The following VCAM1 variants were observed in gnomAD, a reference collection of about 807,000 sequenced individuals.
The protein encoded by VCAM1 is vascular cell adhesion molecule 1, also known as vascular cell adhesion protein 1.
Under a neutral mutation model 63.8 loss-of-function variants are expected in VCAM1, and 41 were observed. The observed-to-expected ratio is 0.64, with a 90% CI of 0.50 to 0.83. The LOEUF is 0.83. VCAM1 is among the 40% of genes least tolerant of loss of function. The pLI, the probability that VCAM1 is intolerant of heterozygous loss-of-function variation, is 0.00. For missense variants in VCAM1, 798 were observed against 875.5 expected (o/e 0.91, Z 1.12); for synonymous variants, 338 against 320.7 (o/e 1.05, Z -0.58).
In VCAM1 at chr1:100,734,671, C is replaced by T; in HGVS notation, c.1962C>T (p.Thr654=). 6.2e-7 allele frequency: 1 copy of T among 1,613,968 alleles called. No individual in the cohort carries two copies. Among genetic ancestry groups the T allele is most frequent in the South Asian group, 1.1e-5 (1 of 91,076 alleles). ...TVLKSIDGAY[T]IRKAQLKDAG... ...TAAAATCTATAGATGGCGCCTATACCATCCGAAAGGCCCAGTTGAAGGATG... is the reference window on the plus strand; with the variant it reads ...TAAAATCTATAGATGGCGCCTATACTATCCGAAAGGCCCAGTTGAAGGATG... The change falls in exon 8 of 9, where the codon ACC becomes ACT. Residue 654 remains threonine, a synonymous_variant. Transcript: ENST00000294728.
chr1:100,728,147 C>T (rs552685749), intron 4 of VCAM1, among the ~76,000 whole-genome samples: 11 of 152,166 alleles, frequency 7.2e-5, no homozygotes, highest in African/African-American at 2.6e-4. Flanking sequence ...TGCACCCAGC[C>T]GGGATAGCGC....
Position 100,724,765 on chromosome 1 carries a change from A to G in VCAM1, c.803A>G (p.Gln268Arg). Reference protein sequence around the residue: ...WSKKLDNGNLQHLSGNATLTL... With the variant: ...WSKKLDNGNLRHLSGNATLTL... ...AAGAAATTAGATAATGGGAATCTAC[A>G]GCACCTTTCTGGAAATGCAACTCTC... The change falls in exon 4 of 9, where the codon CAG becomes CGG. Residue 268 changes from glutamine to arginine, a missense_variant. Transcript: ENST00000294728. 6.2e-7 allele frequency: 1 copy of G among 1,613,114 alleles called. No individual in the cohort carries two copies. The highest frequency in any genetic ancestry group is 8.5e-7 in the Non-Finnish European group (1 of 1,179,462).
chr1:100,734,889 A>G, intron 8 of VCAM1, 121 bp downstream of exon 8: 5 of 1,273,174 alleles, frequency 3.9e-6, no homozygotes, highest in Non-Finnish European at 5.3e-6. Context: ...TTTCTTAAGG[A>G]TTCTTGGAAA....
chr1:100,723,410 A>G, intron 3 of VCAM1, 70 bp downstream of exon 3: 1 of 1,458,612 alleles, frequency 6.9e-7, no homozygotes, highest in South Asian at 1.4e-5. Flanking sequence ...CAATAAACTT[A>G]GCAGAAAAGT....
chr1:100,723,393 T>G, intron 3 of VCAM1, 53 bp downstream of exon 3: 1 of 1,551,496 alleles, frequency 6.4e-7, no homozygotes, highest in Non-Finnish European at 8.7e-7. Flanking sequence ...ACCTTGGTTG[T>G]GTATAGCAAT....
rs1295437636 is a variant in VCAM1 at position 100,719,842 on chromosome 1, A to G, written c.-19A>G. The G allele has an allele frequency of 6.2e-7, 1 of 1,609,750 alleles. No homozygotes were observed. Among genetic ancestry groups the G allele is most frequent in the East Asian group, 2.2e-5 (1 of 44,788 alleles). On this transcript the variant is annotated 5_prime_UTR_variant, in exon 1 of 9. Coordinates refer to ENST00000294728, the MANE Select transcript of VCAM1 (RefSeq NM_001078.4). ...AGGGTTTTGGAACCACTATTTTCTC[A>G]TCACGACAGCAACTTAAAATGCCTG... is the stretch of plus-strand genomic sequence containing the variant.
intron 2 of VCAM1, 45 bp from the exon 3 acceptor site, chr1:100,722,975 C>T: frequency 1.3e-6 from 2 of 1,557,124 alleles, no homozygotes; most frequent in East Asian, 2.3e-5. Context: ...GACCTTATAT[C>T]ACATTAGCAA....
At position 100,731,118 on chromosome 1, in the gene VCAM1, G is replaced by A. The variant is rs1660436977; in HGVS notation, c.1205-80G>A. ...AGGTGACTTAAAGCTGTCATTTTTAGGCCTTTACATTTAATAAAGCTTAGC... is the reference window on the plus strand; with the variant it reads ...AGGTGACTTAAAGCTGTCATTTTTAAGCCTTTACATTTAATAAAGCTTAGC... On this transcript the variant is annotated intron_variant, in intron 5 of 8. Coordinates refer to ENST00000294728, the MANE Select transcript of VCAM1 (RefSeq NM_001078.4). The surrounding 1 kb of genome is among the most constrained non-coding windows in gnomAD (Gnocchi z 4.2). 1 of 1,395,902 alleles carries A rather than the reference G, an allele frequency of 7.2e-7. No individual in the cohort carries two copies. Among genetic ancestry groups the A allele is most frequent in the South Asian group, 1.5e-5 (1 of 67,060 alleles). 86.5% of individuals were successfully genotyped at this position (1,395,902 alleles called of 1,614,324 possible). A position where few individuals can be genotyped will look rare whatever the true frequency, so the allele number is the denominator to read the frequency against.
rs1660479574 is a variant in VCAM1, at chr1:100,731,996, A to G, written c.1526-422A>G. 6.6e-6 allele frequency among the ~76,000 whole-genome samples: 1 copy of G among 152,220 alleles called. No homozygotes were observed. Among genetic ancestry groups the G allele is most frequent in the South Asian group, 2.1e-4 (1 of 4,836 alleles). On this transcript the variant is annotated intron_variant, in intron 6 of 8. Coordinates refer to ENST00000294728, the MANE Select transcript of VCAM1 (RefSeq NM_001078.4). The surrounding 1 kb of genome is among the most constrained non-coding windows in gnomAD (Gnocchi z 4.2). ...TTCAAGGCCTGGGTTTGGAAGTCCT[A>G]CAGTGTTACTTCTTCTTCCACATTC...
intron 1 of VCAM1, 31 bp downstream of exon 1, chr1:100,719,955 G>A: frequency 6.2e-7 from 1 of 1,600,148 alleles, no homozygotes; most frequent in Non-Finnish European, 8.6e-7. Context: ...TGTTTCAAAT[G>A]TTAGCATTCA....
Position 100,734,702 on chromosome 1 carries a change from G to A in VCAM1, c.1993G>A (p.Val665Ile). ...AAAGGCCCAGTTGAAGGATGCGGGAGTATATGAATGTGAATCTAAAAACAA... is the reference window on the plus strand; with the variant it reads ...AAAGGCCCAGTTGAAGGATGCGGGAATATATGAATGTGAATCTAAAAACAA... The part of the protein sequence containing the change: ...IRKAQLKDAG[V>I]YECESKNKVG... Residue 665 changes from valine (V) to isoleucine (I), a missense_variant, in exon 8 of 9, where the codon GTA (valine) becomes ATA (isoleucine). Val to Ile is a conservative substitution (Grantham distance 29, BLOSUM62 3). Transcript: ENST00000294728. 3 of 1,613,974 alleles carry A rather than the reference G, an allele frequency of 1.9e-6. No homozygotes were observed. The highest frequency in any genetic ancestry group is 4.5e-5 in the East Asian group (2 of 44,864).
intron 3 of VCAM1, among the ~76,000 whole-genome samples, chr1:100,723,958 A>T (rs1660063328): frequency 1.3e-5 from 2 of 152,040 alleles, no homozygotes; most frequent in South Asian, 4.1e-4. Context: ...TGGGTACCAC[A>T]TTTAAAGGGA....
chr1:100,733,973 G>T (rs1364151554), intron 7 of VCAM1, among the ~76,000 whole-genome samples: 1 of 152,148 alleles, frequency 6.6e-6, no homozygotes, highest in East Asian at 1.9e-4. Flanking sequence ...GTTCCACATG[G>T]CTGGGAAGAC....
chr1:100,738,185 T>A lies in VCAM1; in HGVS notation c.2122T>A (p.Leu708Ile). 6.2e-7 allele frequency: 1 copy of A among 1,613,906 alleles called. No individual in the cohort carries two copies. Among genetic ancestry groups the A allele is most frequent in the East Asian group, 2.2e-5 (1 of 44,844 alleles). ...ELLVLYFASS[L>I]IIPAIGMIIY... ...TCTCGTGCTCTATTTTGCATCCTCC[T>A]TAATAATACCTGCCATTGGAATGAT... The change falls in exon 9 of 9, where the codon TTA (leucine) becomes ATA (isoleucine). Residue 708 changes from leucine (L) to isoleucine (I), a missense_variant. Leu to Ile is a conservative substitution (Grantham distance 5). Transcript: ENST00000294728.
chr1:100,726,024 T>C (rs2100826738), intron 4 of VCAM1, among the ~76,000 whole-genome samples: 1 of 152,092 alleles, frequency 6.6e-6, no homozygotes, highest in Admixed American at 6.6e-5. Flanking sequence ...AACTGAACCT[T>C]TGTATCCATT....
chr1:100,720,646 A>G lies in VCAM1; in HGVS notation c.235A>G (p.Thr79Ala), dbSNP rs1222144323. The G allele has an allele frequency of 1.2e-6, 2 of 1,613,238 alleles. No homozygotes were observed. The highest frequency in any genetic ancestry group is 1.1e-5 in the South Asian group (1 of 91,054). Residue 79 changes from threonine (T) to alanine (A), a missense_variant, in exon 2 of 9, where the codon ACG becomes GCG. Coordinates refer to ENST00000294728, the MANE Select transcript of VCAM1 (RefSeq NM_001078.4). The stretch of plus-strand genomic sequence containing the variant: ...GGTGACGAATGAGGGGACCACATCT[A>G]CGCTGACAATGAATCCTGTTAGTTT... ...GKVTNEGTTSTLTMNPVSFGN... is the reference protein window; with the variant it reads ...GKVTNEGTTSALTMNPVSFGN...
intron 4 of VCAM1, among the ~76,000 whole-genome samples, chr1:100,725,638 TC>T (rs1419096666): frequency 6.6e-5 from 10 of 152,056 alleles, no homozygotes; most frequent in South Asian, 6.2e-4. Flanking sequence ...AAACCCAGGC[TC>T]AGCATAGTTC....
rs746592774 is a variant in VCAM1 at position 100,734,736 on chromosome 1, C to T, written c.2027C>T (p.Ser676Leu). ...TGTGAATCTAAAAACAAAGTTGGCT[C>T]ACAATTAAGAAGTTTAACACTTGAT... ...YECESKNKVGSQLRSLTLDVQ... is the reference protein window; with the variant it reads ...YECESKNKVGLQLRSLTLDVQ... The change falls in exon 8 of 9, where the codon TCA becomes TTA. Residue 676 changes from serine to leucine, a missense_variant. By Grantham distance (145) the Ser-to-Leu change is moderately radical. Transcript: ENST00000294728. The T allele has an allele frequency of 5.0e-5, 81 of 1,613,806 alleles. No individual in the cohort carries two copies. The highest frequency in any genetic ancestry group is 6.7e-5 in the Admixed American group (4 of 60,004).
chr1:100,729,047 GT>G, intron 4 of VCAM1, 59 bp from the exon 5 acceptor site: 1 of 1,464,768 alleles, frequency 6.8e-7, no homozygotes, highest in East Asian at 2.3e-5. Flanking sequence ...ATGTCAGAAT[GT>G]GATGAAAAAA....
Sources: gnomAD v4.1 joint callset for allele counts (sites outside exome capture counted in the v4.1 genomes callset) on GRCh38, gnomAD v4.1.1 for gene constraint, Gnocchi (gnomAD v3.1) non-coding constraint, MANE v1.5 for transcripts, NCBI Gene and HGNC (gene_info 2026-07-23, HGNC 2026-07-21) for gene names.